The following MRPS9 variants were observed in gnomAD, a reference collection of about 807,000 sequenced individuals.
The protein encoded by MRPS9 is mitochondrial ribosomal protein S9, also known as small ribosomal subunit protein uS9m.
MRPS9 carries 45 observed loss-of-function variants against 59.9 expected under a neutral mutation model. The observed-to-expected ratio is 0.75, with a 90% CI of 0.59 to 0.96. MRPS9 has a LOEUF of 0.96. MRPS9 is among the 40% of genes least tolerant of loss of function. MRPS9 has a pLI of 0.00. For missense variants in MRPS9, 473 were observed against 481.1 expected (o/e 0.98, Z 0.16); for synonymous variants, 171 against 166.8 (o/e 1.03, Z -0.19).
At chr2:105,054,510 G>A (rs995958905) in intron 2 of MRPS9, among the ~76,000 whole-genome samples, 1 of 152,232 alleles carries the variant, frequency 6.6e-6, no homozygotes, top group East Asian at 1.9e-4. Context: ...TAATTCTGCT[G>A]TGCTAGACTT....
At chr2:105,044,326 C>A (rs541258095) in intron 1 of MRPS9, among the ~76,000 whole-genome samples, 1 of 152,282 alleles carries the variant, frequency 6.6e-6, no homozygotes, top group Admixed American at 6.5e-5. Context: ...CTTAGCCTCA[C>A]CTTATTTAAT....
intron 4 of MRPS9, among the ~76,000 whole-genome samples, chr2:105,073,856 TCAAAA>T (rs1275673437): frequency 6.6e-6 from 1 of 152,122 alleles, no homozygotes; most frequent in African/African-American, 2.4e-5. Context: ...ATCGAAATGT[TCAAAA>T]CAAAAGCCGT....
intron 4 of MRPS9, among the ~76,000 whole-genome samples, chr2:105,079,762 A>T (rs1175995721): frequency 6.6e-6 from 1 of 152,222 alleles, no homozygotes; most frequent in East Asian, 1.9e-4. Context: ...TTTTAAATTA[A>T]ATGTAAACAT....
At chr2:105,066,911 A>G (rs1680011831) in intron 2 of MRPS9, among the ~76,000 whole-genome samples, 1 of 152,128 alleles carries the variant, frequency 6.6e-6, no homozygotes, top group Non-Finnish European at 1.5e-5. Flanking sequence ...CATTTGTCCC[A>G]CCTTTTTATT....
intron 5 of MRPS9, among the ~76,000 whole-genome samples, chr2:105,082,159 C>T (rs1261995570): frequency 2.0e-5 from 3 of 152,194 alleles, no homozygotes; most frequent in Non-Finnish European, 4.4e-5. Flanking sequence ...CCCACTGCAG[C>T]ACGGGAGGTC....
At chr2:105,045,473 A>G (rs749168075) in intron 1 of MRPS9, among the ~76,000 whole-genome samples, 22 of 152,194 alleles carry the variant, frequency 1.4e-4, no homozygotes, top group Non-Finnish European at 2.5e-4. Context: ...TCATCTACTA[A>G]AATCTCAGAT....
chr2:105,091,590 T>G (rs558074459), intron 7 of MRPS9, among the ~76,000 whole-genome samples: 13 of 152,290 alleles, frequency 8.5e-5, no homozygotes, highest in African/African-American at 3.1e-4. Flanking sequence ...AAGGCAGTAG[T>G]GACAAAGATG....
chr2:105,093,487 G>A lies in MRPS9; in HGVS notation c.821-43G>A, dbSNP rs542298785. On this transcript the variant is annotated intron_variant, in intron 8 of 10. Transcript: ENST00000258455. ...GTAGTTTTACCTGTCTCAAAGCGCA[G>A]GTCTTCAAGATATTTACTAATAGGA... 2.5e-5 allele frequency: 30 copies of A among 1,197,542 alleles called. No individual in the cohort carries two copies. In the South Asian group the frequency reaches 3.7e-4, roughly 15 times the overall value. The allele number at this position is 1,197,542 out of a possible 1,614,324, so 74.2% of individuals were successfully genotyped here. A position where few individuals can be genotyped will look rare whatever the true frequency, so the allele number is the denominator to read the frequency against.
At chr2:105,069,634 T>C (rs1558756738) in intron 2 of MRPS9, among the ~76,000 whole-genome samples, 1 of 152,210 alleles carries the variant, frequency 6.6e-6, no homozygotes, top group African/African-American at 2.4e-5. Flanking sequence ...TTATTTTGTA[T>C]GTTTAGCCCT....
At chr2:105,085,591 G>A (rs1680430798) in intron 5 of MRPS9, among the ~76,000 whole-genome samples, 1 of 152,098 alleles carries the variant, frequency 6.6e-6, no homozygotes, top group Non-Finnish European at 1.5e-5. Context: ...TTTAGTTTAA[G>A]CATTTCTTTT....
At chr2:105,080,183 C>T in intron 5 of MRPS9, 121 bp downstream of exon 5, 1 of 565,214 alleles carries the variant, frequency 1.8e-6, no homozygotes, top group South Asian at 3.1e-5. Flanking sequence ...AATAAGACTT[C>T]TAGAGGTAGG....
chr2:105,045,540 G>C (rs1679577369), intron 1 of MRPS9, among the ~76,000 whole-genome samples: 1 of 151,894 alleles, frequency 6.6e-6, no homozygotes, highest in African/African-American at 2.4e-5. Flanking sequence ...GAAAAAGATG[G>C]GCAGTGATAT....
chr2:105,097,100 A>G (rs964917940), intron 9 of MRPS9, 55 bp from the exon 10 acceptor site: 5 of 1,381,200 alleles, frequency 3.6e-6, no homozygotes, highest in African/African-American at 1.5e-5. Flanking sequence ...AGTTGTTTAC[A>G]TAATTATGTA....
intron 9 of MRPS9, among the ~76,000 whole-genome samples, chr2:105,095,926 C>T (rs570093998): frequency 6.6e-5 from 10 of 152,118 alleles, no homozygotes; most frequent in Non-Finnish European, 1.2e-4. Context: ...CCCACCTCAG[C>T]CTCCTGAGTA....
At chr2:105,049,676 A>T (rs12464267) in intron 2 of MRPS9, among the ~76,000 whole-genome samples, 10,613 of 152,270 alleles carry the variant, frequency 0.07, 522 homozygotes, top group East Asian at 0.27. Flanking sequence ...AGTCAAATTT[A>T]TATCAAGTCC....
At position 105,092,542 on chromosome 2, in the gene MRPS9, C is replaced by T. The variant is rs764569523; in HGVS notation, c.793C>T (p.Gln265Ter). The T allele has an allele frequency of 6.3e-7, 1 of 1,599,056 alleles. No individual in the cohort carries two copies. The highest frequency in any genetic ancestry group is 1.8e-5 in the Admixed American group (1 of 56,782). Residue 265 changes from glutamine (Q) to a stop codon, truncating the protein, a stop_gained, in exon 8 of 11, where the codon CAA becomes TAA. Transcript: ENST00000258455. LOFTEE classifies it high-confidence loss of function. ...QLIEPVQYDE[Q>*]GMAFSKSEGK... is the part of the protein sequence containing the mutation. ...GATTGAACCTGTACAGTATGATGAG[C>T]AAGGAATGGCCTTTAGCAAAAGTGA... is the stretch of plus-strand genomic sequence containing the variant.
chr2:105,050,591 C>T (rs1048123257), intron 2 of MRPS9, among the ~76,000 whole-genome samples: 3 of 152,078 alleles, frequency 2.0e-5, no homozygotes, highest in African/African-American at 7.2e-5. Context: ...GTATAAAATA[C>T]CATGAGATGT....
At chr2:105,075,465 G>A (rs1680191422) in intron 4 of MRPS9, among the ~76,000 whole-genome samples, 1 of 152,238 alleles carries the variant, frequency 6.6e-6, no homozygotes. Flanking sequence ...CCCAGGCCTA[G>A]AAGGTTTTGT....
rs779773574 is a variant in MRPS9 at position 105,097,232 on chromosome 2, G to T, written c.1007G>T (p.Gly336Val). Residue 336 changes from glycine to valine, a missense_variant, in exon 10 of 11, where the codon GGG becomes GTG. Physicochemically the swap from Gly to Val is moderately radical, Grantham distance 109. Transcript: ENST00000258455. Reference protein sequence around the residue: ...HDVTCTVSGGGRSAQAGAIRL... With the variant: ...HDVTCTVSGGVRSAQAGAIRL... Reference sequence around the variant, plus strand: ...GTGACCTGCACAGTCTCAGGGGGCGGGAGGTCAGCGCAGGCTGGAGCAATA... The same window carrying T: ...GTGACCTGCACAGTCTCAGGGGGCGTGAGGTCAGCGCAGGCTGGAGCAATA... 6.2e-7 allele frequency: 1 copy of T among 1,613,050 alleles called. No individual in the cohort carries two copies. The highest frequency in any genetic ancestry group is 1.7e-5 in the Admixed American group (1 of 59,848).
Sources: allele counts gnomAD v4.1 joint callset (sites outside exome capture counted in the v4.1 genomes callset), GRCh38; gene constraint gnomAD v4.1.1; transcripts MANE v1.5; gene names NCBI Gene and HGNC (gene_info 2026-07-23, HGNC 2026-07-21).